The following FABP2 variants were observed in gnomAD, a reference collection of about 807,000 sequenced individuals.
FABP2 encodes fatty acid binding protein 2, also known as fatty acid-binding protein, intestinal.
In FABP2, 11 loss-of-function variants were observed where a neutral mutation model predicts 16.1. The ratio of observed to expected loss-of-function variants is 0.68; its 90% CI spans 0.43 to 1.13. The LOEUF is 1.13. Among genes scored for constraint, FABP2 ranks in the 50% most tolerant of loss-of-function variants. The pLI is 0.00. For missense variants in FABP2, 146 were observed against 155.1 expected (o/e 0.94, Z 0.31); for synonymous variants, 45 against 50.9 (o/e 0.88, Z 0.49).
rs1400433210 is a variant in FABP2, at chr4:119,317,552, T to C, written c.*1489A>G. 1 of 152,102 alleles carries C rather than the reference T, an allele frequency of 6.6e-6. No homozygotes were observed. The highest frequency in any genetic ancestry group is 1.5e-5 in the Non-Finnish European group (1 of 67,982). 9.4% of individuals were successfully genotyped at this position (152,102 alleles called of 1,614,324 possible). A position where few individuals can be genotyped will look rare whatever the true frequency, so the allele number is the denominator to read the frequency against. On this transcript the variant is annotated 3_prime_UTR_variant, in exon 4 of 4. Coordinates refer to ENST00000274024, the MANE Select transcript of FABP2 (RefSeq NM_000134.4). The stretch of plus-strand genomic sequence containing the variant: ...CTCTCTATTCATTTTCATCAGGTAC[T>C]CAAACATTTTTCTTCCTACATTTTA...
chr4:119,319,774 T>TA, intron 2 of FABP2, 131 bp from the exon 3 acceptor site: 1 of 350,702 alleles, frequency 2.9e-6, no homozygotes, highest in Non-Finnish European at 4.8e-6. Flanking sequence ...ATGAAACTGA[T>TA]ACTATTATCT....
rs1755679802 is a variant in FABP2, at chr4:119,322,110, G to C, written c.-8C>G. 1.2e-6 allele frequency: 2 copies of C among 1,611,852 alleles called. No homozygotes were observed. Reference sequence around the variant, plus strand: ...AGTGCTGTCAAACGCCATGATTTCAGTTGAGTCAGCCTCTAGGCAGCTAGA... The same window carrying C: ...AGTGCTGTCAAACGCCATGATTTCACTTGAGTCAGCCTCTAGGCAGCTAGA... On this transcript the variant is annotated 5_prime_UTR_variant, in exon 1 of 4. Transcript: ENST00000274024.
Position 119,317,548 on chromosome 4 carries a change from G to C in FABP2, c.*1493C>G, listed in dbSNP as rs994106742. ...CATACTCTCTATTCATTTTCATCAG[G>C]TACTCAAACATTTTTCTTCCTACAT... On this transcript the variant is annotated 3_prime_UTR_variant, in exon 4 of 4. Transcript: ENST00000274024. 6.6e-6 allele frequency: 1 copy of C among 151,856 alleles called. No homozygotes were observed. The highest frequency in any genetic ancestry group is 1.5e-5 in the Non-Finnish European group (1 of 67,948). The allele number at this position is 151,856 out of a possible 1,614,324, so 9.4% of individuals were successfully genotyped here.
At chr4:119,320,521 A>T in intron 2 of FABP2, 149 bp downstream of exon 2, 1 of 581,994 alleles carries the variant, frequency 1.7e-6, no homozygotes, top group Non-Finnish European at 2.9e-6. Flanking sequence ...AATTTGTGCA[A>T]TATATAATGT....
At chr4:119,321,285 T>C (rs564177941) in intron 1 of FABP2, among the ~76,000 whole-genome samples, 1 of 152,110 alleles carries the variant, frequency 6.6e-6, no homozygotes, top group Admixed American at 6.6e-5. Flanking sequence ...TTGAACTTTA[T>C]AGTTCTATTT....
chr4:119,321,447 T>A (rs1755668457), intron 1 of FABP2, among the ~76,000 whole-genome samples: 1 of 152,092 alleles, frequency 6.6e-6, no homozygotes, highest in African/African-American at 2.4e-5. Flanking sequence ...TTTAGGGGAA[T>A]GACACAAATT....
In FABP2 at chr4:119,317,780, T is replaced by C. The variant is rs773466696; in HGVS notation, c.*1261A>G. The stretch of plus-strand genomic sequence containing the variant: ...CTAAAATACAATTATGTGAAGCACA[T>C]AAAATTTTACGTCATGTGAAAATAT... On this transcript the variant is annotated 3_prime_UTR_variant, in exon 4 of 4. Coordinates refer to ENST00000274024, the MANE Select transcript of FABP2 (RefSeq NM_000134.4). 1 of 151,972 alleles carries C rather than the reference T, an allele frequency of 6.6e-6. No individual in the cohort carries two copies. The highest frequency in any genetic ancestry group is 1.5e-5 in the Non-Finnish European group (1 of 67,958). The allele number at this position is 151,972 out of a possible 1,614,324, so 9.4% of individuals were successfully genotyped here. A position where few individuals can be genotyped will look rare whatever the true frequency, so the allele number is the denominator to read the frequency against.
chr4:119,317,552 TCAAA>T lies in FABP2; in HGVS notation c.*1485_*1488del, dbSNP rs1755599966. ...CTCTCTATTCATTTTCATCAGGTAC[TCAAA>T]CATTTTTCTTCCTACATTTTAATAT... On this transcript the variant is annotated 3_prime_UTR_variant, in exon 4 of 4. Transcript: ENST00000274024. 1 of 152,102 alleles carries T rather than the reference TCAAA, an allele frequency of 6.6e-6. No homozygotes were observed. The highest frequency in any genetic ancestry group is 1.5e-5 in the Non-Finnish European group (1 of 67,982). 9.4% of individuals were successfully genotyped at this position (152,102 alleles called of 1,614,324 possible).
chr4:119,320,685 G>T lies in FABP2; in HGVS notation c.225C>A (p.Asp75Glu). Residue 75 changes from aspartate (D) to glutamate (E), a missense_variant, in exon 2 of 4, where the codon GAC (aspartate) becomes GAA (glutamate). Coordinates refer to ENST00000274024, the MANE Select transcript of FABP2 (RefSeq NM_000134.4). ...AAATTCTTACCCTGAGTTCAGTTCC[G>T]TCTGCTAGATTGTAATTAAAGGTGA... ...LGVTFNYNLA[D>E]GTELRGTWSL... 6.3e-7 allele frequency: 1 copy of T among 1,578,744 alleles called. No homozygotes were observed. Among genetic ancestry groups the T allele is most frequent in the Non-Finnish European group, 8.6e-7 (1 of 1,168,706 alleles).
intron 1 of FABP2, 123 bp downstream of exon 1, chr4:119,321,913 A>ATG: frequency 1.4e-6 from 1 of 701,332 alleles, no homozygotes. Flanking sequence ...CATCTTCTGG[A>ATG]TCCTCTCTAC....
At chr4:119,319,212 A>G in intron 3 of FABP2, 121 bp from the exon 4 acceptor site, 1 of 402,562 alleles carries the variant, frequency 2.5e-6, no homozygotes, top group African/African-American at 2.1e-5. Flanking sequence ...ATATTCATAT[A>G]TATTATATGA....
intron 1 of FABP2, among the ~76,000 whole-genome samples, chr4:119,321,469 C>T (rs1395643216): frequency 6.6e-6 from 1 of 152,044 alleles, no homozygotes; most frequent in African/African-American, 2.4e-5. Flanking sequence ...GTTTGCCTAT[C>T]TTGTATAGTA....
chr4:119,320,112 C>A (rs370725355), intron 2 of FABP2, among the ~76,000 whole-genome samples: 1 of 151,954 alleles, frequency 6.6e-6, no homozygotes, highest in East Asian at 1.9e-4. Context: ...GTTAAATTGT[C>A]ATTACAAACA....
At position 119,320,762 on chromosome 4, in the gene FABP2, C is replaced by T; in HGVS notation, c.148G>A (p.Val50Ile). The T allele has an allele frequency of 6.2e-7, 1 of 1,605,762 alleles. No homozygotes were observed. Among genetic ancestry groups the T allele is most frequent in the African/African-American group, 1.3e-5 (1 of 74,422 alleles). Residue 50 changes from valine (V) to isoleucine (I), a missense_variant, in exon 2 of 4, where the codon GTC becomes ATC. Physicochemically the swap from Val to Ile is conservative, Grantham distance 29. Coordinates refer to ENST00000274024, the MANE Select transcript of FABP2 (RefSeq NM_000134.4). The stretch of plus-strand genomic sequence containing the variant: ...TTTCGAAAAGTGCTTGATTCTTTGA[C>T]TGTGAATTTATTTCCTTCTTGTGTA... ...TITQEGNKFT[V>I]KESSTFRNIE...
In FABP2 at chr4:119,320,671, C is replaced by T. The variant is rs769786920; in HGVS notation, c.239G>A (p.Arg80Lys). The T allele has an allele frequency of 6.4e-7, 1 of 1,560,502 alleles. No individual in the cohort carries two copies. The highest frequency in any genetic ancestry group is 1.2e-5 in the South Asian group (1 of 82,012). The stretch of plus-strand genomic sequence containing the variant: ...GCTCATAAAAAAAAAAATTCTTACC[C>T]TGAGTTCAGTTCCGTCTGCTAGATT... Reference protein sequence around the residue: ...NYNLADGTELRGTWSLEGNKL... With the variant: ...NYNLADGTELKGTWSLEGNKL... The change falls in exon 2 of 4, where the codon AGG (arginine) becomes AAG (lysine). Residue 80 changes from arginine (R) to lysine (K), a missense_variant and splice_region_variant. Arg to Lys is a conservative substitution (Grantham distance 26). Coordinates refer to ENST00000274024, the MANE Select transcript of FABP2 (RefSeq NM_000134.4).
rs765607629 is a variant in FABP2 at position 119,319,131 on chromosome 4, T to C, written c.349-40A>G. The C allele has an allele frequency of 2.9e-6, 4 of 1,396,450 alleles. No homozygotes were observed. In the African/African-American group the frequency reaches 5.9e-5, roughly 21 times the overall value. 86.5% of individuals were successfully genotyped at this position (1,396,450 alleles called of 1,614,324 possible). Reference sequence around the variant, plus strand: ...CAAACAGAAGAATTTATCTTTAAGGTTTACATCTAAGTTAAGAAAAAGTAG... The same window carrying C: ...CAAACAGAAGAATTTATCTTTAAGGCTTACATCTAAGTTAAGAAAAAGTAG... On this transcript the variant is annotated intron_variant, in intron 3 of 3. Coordinates refer to ENST00000274024, the MANE Select transcript of FABP2 (RefSeq NM_000134.4).
chr4:119,321,965 G>A (rs1755676427), intron 1 of FABP2, 71 bp downstream of exon 1: 1 of 1,232,574 alleles, frequency 8.1e-7, no homozygotes, highest in African/African-American at 1.5e-5. Flanking sequence ...ATCTCCTAGA[G>A]ATTTAGGAGT....
At chr4:119,321,999 A>C (rs1380534975) in intron 1 of FABP2, 37 bp downstream of exon 1, 12 of 1,550,584 alleles carry the variant, frequency 7.7e-6, no homozygotes, top group Non-Finnish European at 1.1e-5. Context: ...GTTTGTAAGA[A>C]AGCAAAGAAT....
intron 1 of FABP2, 99 bp from the exon 2 acceptor site, chr4:119,320,941 GA>G: frequency 2.0e-6 from 2 of 1,000,938 alleles, no homozygotes; most frequent in Non-Finnish European, 2.8e-6. Flanking sequence ...AGGGTGGGAA[GA>G]AAACTCGGTA....
Sources: gnomAD v4.1 joint callset for allele counts (sites outside exome capture counted in the v4.1 genomes callset) on GRCh38, gnomAD v4.1.1 for gene constraint, MANE v1.5 for transcripts, NCBI Gene and HGNC (gene_info 2026-07-23, HGNC 2026-07-21) for gene names.